The following ODAD4 variants were observed in gnomAD, a reference collection of about 807,000 sequenced individuals.
The protein encoded by ODAD4 is outer dynein arm docking complex subunit 4, also known as outer dynein arm-docking complex subunit 4.
In ODAD4, 49 loss-of-function variants were observed where a neutral mutation model predicts 51.8. The ratio of observed to expected loss-of-function variants is 0.95; its 90% confidence interval spans 0.75 to 1.20. ODAD4 has a LOEUF of 1.20. ODAD4 is among the 50% of genes most tolerant of loss of function. ODAD4 has a pLI of 0.00. For synonymous variants in ODAD4, 235 were observed against 221.3 expected, an observed-to-expected ratio of 1.06 and a Z score of -0.55; for missense variants, 590 against 586.5, an observed-to-expected ratio of 1.01 and a Z score of -0.06.
intron 7 of ODAD4, among the ~76,000 whole-genome samples, chr17:41,940,414 T>C (rs2144501244): frequency 6.6e-6 from 1 of 152,328 alleles, no homozygotes. Context: ...CAATCTTCCC[T>C]TGGGGTCAAA....
intron 5 of ODAD4, among the ~76,000 whole-genome samples, chr17:41,937,892 G>A (rs1431075032): frequency 1.3e-5 from 2 of 152,204 alleles, no homozygotes; most frequent in African/African-American, 4.8e-5. Flanking sequence ...AGCCTGAGCA[G>A]GGTCACCTGT....
At chr17:41,947,844 G>T (rs1273923120) in intron 8 of ODAD4, among the ~76,000 whole-genome samples, 2 of 151,576 alleles carry the variant, frequency 1.3e-5, no homozygotes, top group South Asian at 4.2e-4. Context: ...AAATGGCTGG[G>T]TGCGGTGGCT....
chr17:41,950,474 A>T (rs2050638105), intron 9 of ODAD4, among the ~76,000 whole-genome samples: 1 of 140,790 alleles, frequency 7.1e-6, no homozygotes, highest in South Asian at 2.3e-4. Flanking sequence ...CCTCTGCCTC[A>T]TGGGTTCAAA....
chr17:41,950,363 T>G (rs1279492458), intron 9 of ODAD4, among the ~76,000 whole-genome samples: 3 of 150,224 alleles, frequency 2.0e-5, no homozygotes, highest in African/African-American at 7.3e-5. Flanking sequence ...TCCAGTAGAC[T>G]CCCCAAGTCC....
intron 9 of ODAD4, among the ~76,000 whole-genome samples, chr17:41,950,309 TATC>T (rs2050636107): frequency 6.6e-6 from 1 of 151,870 alleles, no homozygotes; most frequent in Non-Finnish European, 1.5e-5. Context: ...AGGTAGGCAT[TATC>T]ATCCTTATTT....
chr17:41,958,494 C>CT (rs1199450983), intron 10 of ODAD4, among the ~76,000 whole-genome samples: 1 of 151,538 alleles, frequency 6.6e-6, no homozygotes, highest in Admixed American at 6.6e-5. Context: ...AACCCCATCT[C>CT]TATTAAAAAT....
At chr17:41,945,077 C>T in intron 7 of ODAD4, 59 bp from the exon 8 acceptor site, 3 of 1,392,966 alleles carry the variant, frequency 2.2e-6, no homozygotes, top group Non-Finnish European at 3.0e-6. Context: ...TTTCCTATTT[C>T]CACAGTGCCT....
intron 10 of ODAD4, among the ~76,000 whole-genome samples, chr17:41,956,213 T>C (rs1183205559): frequency 6.6e-6 from 1 of 151,830 alleles, no homozygotes; most frequent in Non-Finnish European, 1.5e-5. Flanking sequence ...CACGCCCAGC[T>C]AATTTTTGTA....
At chr17:41,959,797 TTGGGAGGCAGGTTCA>T (rs1325180079) in intron 10 of ODAD4, among the ~76,000 whole-genome samples, 1 of 152,164 alleles carries the variant, frequency 6.6e-6, no homozygotes, top group East Asian at 1.9e-4. Flanking sequence ...CCTCTGTTTT[TTGGGAGGCAGGTTCA>T]TGGTGAGCTG....
intron 3 of ODAD4, 21 bp from the exon 4 acceptor site, chr17:41,936,452 C>T (rs1555637803): frequency 6.2e-7 from 1 of 1,604,616 alleles, no homozygotes; most frequent in Admixed American, 1.7e-5. Flanking sequence ...CCGACCTGAG[C>T]TCCAGCTTCT....
chr17:41,964,420 T>C (rs2144548434), intron 11 of ODAD4, among the ~76,000 whole-genome samples: 1 of 152,272 alleles, frequency 6.6e-6, no homozygotes, highest in South Asian at 2.1e-4. Flanking sequence ...TCAACGGCAG[T>C]GCGCATTTTC....
chr17:41,945,540 A>G (rs1479693352), intron 8 of ODAD4, among the ~76,000 whole-genome samples: 1 of 152,002 alleles, frequency 6.6e-6, no homozygotes, highest in African/African-American at 2.4e-5. Context: ...GAATCTGTAC[A>G]GGTCTGCAGC....
intron 1 of ODAD4, among the ~76,000 whole-genome samples, chr17:41,932,812 G>T (rs1211179611): frequency 6.8e-6 from 1 of 146,148 alleles, no homozygotes; most frequent in African/African-American, 2.5e-5. Flanking sequence ...TAATACTCCC[G>T]CTTTGGCCTC....
chr17:41,954,698 A>G (rs1308860502), intron 9 of ODAD4, among the ~76,000 whole-genome samples: 1 of 151,922 alleles, frequency 6.6e-6, no homozygotes, highest in Non-Finnish European at 1.5e-5. Flanking sequence ...TTAAAAAACA[A>G]AATTAGCCAG....
At chr17:41,952,054 A>G (rs1442810179) in intron 9 of ODAD4, among the ~76,000 whole-genome samples, 2 of 151,762 alleles carry the variant, frequency 1.3e-5, no homozygotes, top group Non-Finnish European at 2.9e-5. Flanking sequence ...GGCAACTTAA[A>G]GAGACCTCAT....
intron 10 of ODAD4, among the ~76,000 whole-genome samples, chr17:41,958,668 A>G (rs1567939555): frequency 6.6e-6 from 1 of 151,192 alleles, no homozygotes; most frequent in Non-Finnish European, 1.5e-5. Context: ...CTCAAAAAAA[A>G]AAAAAAAAAA....
intron 1 of ODAD4, among the ~76,000 whole-genome samples, chr17:41,933,698 C>A (rs2050382196): frequency 6.6e-6 from 1 of 151,900 alleles, no homozygotes; most frequent in Non-Finnish European, 1.5e-5. Flanking sequence ...CCCGTAGTCC[C>A]AGGTACTCGG....
At chr17:41,947,196 G>A (rs1054221210) in intron 8 of ODAD4, among the ~76,000 whole-genome samples, 21 of 150,782 alleles carry the variant, frequency 1.4e-4, no homozygotes, top group African/African-American at 4.4e-4. Context: ...AGGCCAGGCC[G>A]GGCGCGGTGG....
intron 7 of ODAD4, among the ~76,000 whole-genome samples, chr17:41,944,446 C>CA (rs1567933209): frequency 0.016 from 77 of 4,748 alleles, 1 homozygote; most frequent in African/African-American, 0.022. Context: ...ACACACACAC[C>CA]CCCCCGCATA....
Sources: gnomAD v4.1 joint callset for allele counts (sites outside exome capture counted in the v4.1 genomes callset) on GRCh38, gnomAD v4.1.1 for gene constraint, MANE v1.5 for transcripts, NCBI Gene and HGNC (gene_info 2026-07-23, HGNC 2026-07-21) for gene names.